Variants in TBL1XR1 observed in about 807,000 individuals in gnomAD.
The protein encoded by TBL1XR1 is TBL1X/Y related 1.
A neutral mutation model predicts 66.9 loss-of-function variants in TBL1XR1; 5 were observed. The observed-to-expected ratio is 0.07, with a 90% CI of 0.04 to 0.16. The LOEUF is 0.16. Among genes scored for constraint, TBL1XR1 ranks in the 10% least tolerant of loss-of-function variants. The probability of loss-of-function intolerance (pLI) is 1.00; values close to 1 mark genes in which losing one functional copy is unlikely to be tolerated. For missense variants in TBL1XR1, 238 were observed against 623.2 expected, an observed-to-expected ratio of 0.38 and a Z score of 6.58; for synonymous variants, 210 against 206.0, an observed-to-expected ratio of 1.02 and a Z score of -0.17.
intron 1 of TBL1XR1, 33 bp downstream of exon 1, chr3:177,197,088 C>G (rs944744498): frequency 2.0e-5 from 3 of 152,068 alleles, no homozygotes; most frequent in Non-Finnish European, 2.9e-5. Context: ...CCCCCGGCCG[C>G]CCCCACTCCA....
At chr3:177,056,247 A>G (rs1717791210) in intron 3 of TBL1XR1, among the ~76,000 whole-genome samples, 2 of 152,222 alleles carry the variant, frequency 1.3e-5, no homozygotes, top group African/African-American at 4.8e-5. Flanking sequence ...TCATGACTGC[A>G]ATTTAAATAG....
At chr3:177,109,911 CAAT>C (rs1725346167) in intron 1 of TBL1XR1, among the ~76,000 whole-genome samples, 1 of 152,092 alleles carries the variant, frequency 6.6e-6, no homozygotes, top group Admixed American at 6.6e-5. Context: ...TGTGTACAGA[CAAT>C]GATGTATGAA....
chr3:177,051,540 C>G lies in TBL1XR1; in HGVS notation c.391G>C (p.Ala131Pro). Residue 131 changes from alanine to proline, a missense_variant, in exon 5 of 16, where the codon GCA becomes CCA. Around this residue, in one of 8 missense-constraint regions of TBL1XR1, gnomAD observed 80 missense variants for 100.5 expected, o/e 0.80. Coordinates refer to ENST00000457928, the MANE Select transcript of TBL1XR1 (RefSeq NM_024665.7). ...QGSAKNGENT[A>P]NGEENGAHTI... ...TGTGCTCCATTCTCCTCCCCATTTG[C>G]TGTGTTTTCTCCATTTTTTGCAGAT... is the stretch of plus-strand genomic sequence containing the variant. 2 of 1,613,536 alleles carry G rather than the reference C, an allele frequency of 1.2e-6. No homozygotes were observed. Among genetic ancestry groups the G allele is most frequent in the Non-Finnish European group, 1.7e-6 (2 of 1,179,720 alleles).
chr3:177,057,677 A>G (rs759188643), intron 3 of TBL1XR1, among the ~76,000 whole-genome samples: 1 of 152,160 alleles, frequency 6.6e-6, no homozygotes, highest in Non-Finnish European at 1.5e-5. Flanking sequence ...ATATAATAGG[A>G]GGCAAAAGAG....
chr3:177,108,793 A>G (rs73187541), intron 1 of TBL1XR1, among the ~76,000 whole-genome samples: 10,420 of 152,274 alleles, frequency 0.068, 524 homozygotes, highest in Admixed American at 0.17. Context: ...AACAGACAAT[A>G]AAGACACTGG....
chr3:177,138,585 C>G (rs1165029184), intron 1 of TBL1XR1, among the ~76,000 whole-genome samples: 1 of 146,714 alleles, frequency 6.8e-6, no homozygotes, highest in African/African-American at 2.5e-5. Context: ...GAGCAAGACC[C>G]TGTCTGGGAG....
At chr3:177,172,676 G>A (rs891717146) in intron 1 of TBL1XR1, among the ~76,000 whole-genome samples, 3 of 129,024 alleles carry the variant, frequency 2.3e-5, no homozygotes, top group African/African-American at 5.8e-5. Context: ...GGGAGGGGAG[G>A]GGAGGGGAGA....
intron 14 of TBL1XR1, among the ~76,000 whole-genome samples, chr3:177,028,321 A>C (rs1335534332): frequency 6.6e-6 from 1 of 152,256 alleles, no homozygotes; most frequent in Non-Finnish European, 1.5e-5. Context: ...TTTGGTACAC[A>C]ATAGTGAAAA....
Position 177,026,630 on chromosome 3 carries a change from T to C in TBL1XR1, c.1417-156A>G, listed in dbSNP as rs561397548. 8.9e-6 allele frequency: 5 copies of C among 563,612 alleles called. No individual in the cohort carries two copies. In the South Asian group the frequency reaches 1.4e-4, roughly 16 times the overall value. The allele number at this position is 563,612 out of a possible 1,614,324, so 34.9% of individuals were successfully genotyped here. A position where few individuals can be genotyped will look rare whatever the true frequency, so the allele number is the denominator to read the frequency against. The stretch of plus-strand genomic sequence containing the variant: ...AAGTTCTGAAATTCTAGAAATGTAA[T>C]ATGATCCCTTTACAAAAAGATAATA... On this transcript the variant is annotated intron_variant, in intron 14 of 15. Coordinates refer to ENST00000457928, the MANE Select transcript of TBL1XR1 (RefSeq NM_024665.7).
intron 14 of TBL1XR1, among the ~76,000 whole-genome samples, chr3:177,031,330 C>T (rs1308340678): frequency 6.6e-6 from 1 of 150,940 alleles, no homozygotes; most frequent in Non-Finnish European, 1.5e-5. Context: ...AACATTTTTA[C>T]TTAATTTTTA....
chr3:177,076,634 A>G (rs1272525274), intron 2 of TBL1XR1, among the ~76,000 whole-genome samples: 3 of 152,070 alleles, frequency 2.0e-5, no homozygotes, highest in Non-Finnish European at 4.4e-5. Context: ...GCTGTAGAAG[A>G]CAGGTACAGA....
intron 1 of TBL1XR1, among the ~76,000 whole-genome samples, chr3:177,114,274 TA>T (rs1467250980): frequency 6.6e-6 from 1 of 151,338 alleles, no homozygotes; most frequent in African/African-American, 2.4e-5. Flanking sequence ...CATATATATA[TA>T]CACACATCAT....
At chr3:177,165,733 A>G (rs980402350) in intron 1 of TBL1XR1, among the ~76,000 whole-genome samples, 1 of 152,194 alleles carries the variant, frequency 6.6e-6, no homozygotes, top group African/African-American at 2.4e-5. Context: ...GAGTGCTGGA[A>G]CAACTAAACA....
chr3:177,045,266 C>G (rs939971481), intron 10 of TBL1XR1, among the ~76,000 whole-genome samples: 4 of 152,092 alleles, frequency 2.6e-5, no homozygotes, highest in African/African-American at 9.7e-5. Context: ...AGTCTCCAAA[C>G]TGAAATTTTT....
At chr3:177,074,802 T>C (rs942212990) in intron 2 of TBL1XR1, among the ~76,000 whole-genome samples, 5 of 152,226 alleles carry the variant, frequency 3.3e-5, no homozygotes, top group Non-Finnish European at 7.3e-5. Flanking sequence ...AACTTACTTA[T>C]ATCACAATAA....
At chr3:177,112,326 T>C (rs1307290517) in intron 1 of TBL1XR1, among the ~76,000 whole-genome samples, 1 of 151,420 alleles carries the variant, frequency 6.6e-6, no homozygotes, top group Non-Finnish European at 1.5e-5. Context: ...CAGGCTGGTC[T>C]AGAACTCCTA....
chr3:177,144,968 G>A (rs576158175), intron 1 of TBL1XR1, among the ~76,000 whole-genome samples: 36 of 152,210 alleles, frequency 2.4e-4, no homozygotes. Context: ...AAAACAGGCT[G>A]GCCACATTTG....
At chr3:177,045,706 C>T (rs1716239094) in intron 10 of TBL1XR1, among the ~76,000 whole-genome samples, 1 of 152,062 alleles carries the variant, frequency 6.6e-6, no homozygotes, top group Non-Finnish European at 1.5e-5. Context: ...TCATGTATAT[C>T]ATTTAGCCTT....
intron 12 of TBL1XR1, among the ~76,000 whole-genome samples, chr3:177,036,993 G>A (rs1316938324): frequency 1.3e-5 from 2 of 152,094 alleles, no homozygotes; most frequent in African/African-American, 4.8e-5. Context: ...CCCAAATGAG[G>A]AATCTGGTGT....
Sources: gnomAD v4.1 joint callset for allele counts (sites outside exome capture counted in the v4.1 genomes callset) on GRCh38, gnomAD v4.1.1 for gene constraint, gnomAD v4.1.1 regional missense constraint, MANE v1.5 for transcripts, NCBI Gene and HGNC (gene_info 2026-07-23, HGNC 2026-07-21) for gene names.